Variants in KIF26B observed in about 807,000 individuals in gnomAD.
KIF26B encodes kinesin family member 26B.
KIF26B carries 63 observed loss-of-function variants against 151.2 expected under a neutral mutation model. That is an observed-to-expected ratio of 0.42 (90% CI 0.34 to 0.51). The LOEUF (loss-of-function observed/expected upper bound fraction) is 0.51, where lower values mean the gene tolerates loss of function less well. Among genes scored for constraint, KIF26B ranks in the 20% least tolerant of loss-of-function variants. The probability of loss-of-function intolerance (pLI) is 0.07; values close to 1 mark genes in which losing one functional copy is unlikely to be tolerated. For missense variants in KIF26B, 2,813 were observed against 2,913.6 expected, an observed-to-expected ratio of 0.97 and a Z score of 0.79; for synonymous variants, 1,357 against 1,262.1, an observed-to-expected ratio of 1.08 and a Z score of -1.59.
chr1:245,420,541 T>C (rs1658459318), intron 4 of KIF26B, among the ~76,000 whole-genome samples: 1 of 152,236 alleles, frequency 6.6e-6, no homozygotes, highest in Admixed American at 6.5e-5. Context: ...TGCTCAGAAC[T>C]GAACCTTGGA....
At chr1:245,520,587 TCCATCCATCCATCCACCCACCCAC>T (rs1378994490) in intron 4 of KIF26B, among the ~76,000 whole-genome samples, 6 of 80,602 alleles carry the variant, frequency 7.4e-5, no homozygotes, top group East Asian at 3.2e-4. Flanking sequence ...CATCCATCCA[TCCATCCATCCATCCACCCACCCAC>T]CCATCCATCC....
chr1:245,502,162 A>T (rs1660635277), intron 4 of KIF26B, among the ~76,000 whole-genome samples: 1 of 152,180 alleles, frequency 6.6e-6, no homozygotes, highest in African/African-American at 2.4e-5. Context: ...TTTAATGGAG[A>T]CCTGGATCAA....
intron 2 of KIF26B, among the ~76,000 whole-genome samples, chr1:245,283,289 G>A (rs577587506): frequency 1.3e-4 from 19 of 148,792 alleles, no homozygotes; most frequent in African/African-American, 4.0e-4. Flanking sequence ...CCCACCCACC[G>A]CGAGCCCAAT....
rs1191917242 is a variant in KIF26B, at chr1:245,592,651, A to G, written c.1351-9926A>G. ...GCCTGGAGGGCACCCCAGCCCCCTC[A>G]TCTGCCCTCCCACCCCCAAACTCAG... On this transcript the variant is annotated intron_variant, in intron 5 of 14. Transcript: ENST00000407071. Among the ~76,000 whole-genome samples, 2 of 136,334 alleles carry G rather than the reference A, an allele frequency of 1.5e-5. 1 individual carries two copies. Among genetic ancestry groups the G allele is most frequent in the African/African-American group, 5.6e-5 (2 of 36,018 alleles). The allele number at this position is 136,334 out of a possible 152,430, so 89.4% of individuals were successfully genotyped here. A position where few individuals can be genotyped will look rare whatever the true frequency, so the allele number is the denominator to read the frequency against.
At chr1:245,690,770 C>T (rs771680972) in intron 12 of KIF26B, among the ~76,000 whole-genome samples, 13 of 151,748 alleles carry the variant, frequency 8.6e-5, no homozygotes, top group South Asian at 2.1e-4. Context: ...GTCTTTGATA[C>T]GCTTTGACTC....
intron 9 of KIF26B, among the ~76,000 whole-genome samples, chr1:245,634,283 T>A (rs765004789): frequency 1.3e-5 from 2 of 152,234 alleles, no homozygotes; most frequent in Admixed American, 1.3e-4. Context: ...CCAATGAAGA[T>A]CATTTGACTT....
chr1:245,434,632 C>A (rs1335680518), intron 4 of KIF26B, among the ~76,000 whole-genome samples: 1 of 152,132 alleles, frequency 6.6e-6, no homozygotes, highest in African/African-American at 2.4e-5. Context: ...CCCCCTGCAC[C>A]CACACAGGGG....
chr1:245,279,453 A>G (rs1014983958), intron 2 of KIF26B, among the ~76,000 whole-genome samples: 1 of 151,770 alleles, frequency 6.6e-6, no homozygotes, highest in Admixed American at 6.6e-5. Flanking sequence ...GACTACAGAC[A>G]TGCACTATCA....
In KIF26B at chr1:245,563,649, C is replaced by A. The variant is rs978495137; in HGVS notation, c.1350+22699C>A. 2.0e-5 allele frequency among the ~76,000 whole-genome samples: 3 copies of A among 152,164 alleles called. No individual in the cohort carries two copies. Among genetic ancestry groups the A allele is most frequent in the Admixed American group, 1.3e-4 (2 of 15,280 alleles). On this transcript the variant is annotated intron_variant, in intron 5 of 14. Coordinates refer to ENST00000407071, the MANE Select transcript of KIF26B (RefSeq NM_018012.4). This position sits in a 1 kb window ranked among gnomAD's most constrained non-coding sequence, Gnocchi z 4.6. Reference sequence around the variant, plus strand: ...GTGGGGCTGCTTGAGACTGTGGGAACGATGTTTTCGTTAAGAATGGACTGC... The same window carrying A: ...GTGGGGCTGCTTGAGACTGTGGGAAAGATGTTTTCGTTAAGAATGGACTGC...
chr1:245,622,197 G>A (rs2043671314), intron 9 of KIF26B, among the ~76,000 whole-genome samples: 1 of 152,202 alleles, frequency 6.6e-6, no homozygotes, highest in Non-Finnish European at 1.5e-5. Context: ...AAACAGAAGT[G>A]ACACATTATA....
At chr1:245,524,639 G>C (rs968457917) in intron 4 of KIF26B, among the ~76,000 whole-genome samples, 1 of 152,066 alleles carries the variant, frequency 6.6e-6, no homozygotes, top group African/African-American at 2.4e-5. Flanking sequence ...ACTGTTTTTT[G>C]TAAATGCTTC....
intron 10 of KIF26B, among the ~76,000 whole-genome samples, chr1:245,679,975 C>T (rs1291224846): frequency 1.3e-5 from 2 of 152,186 alleles, no homozygotes; most frequent in Non-Finnish European, 2.9e-5. Context: ...CACCTCCCTC[C>T]ATCCCTCCCG....
intron 2 of KIF26B, among the ~76,000 whole-genome samples, chr1:245,171,393 A>G (rs1668705999): frequency 6.6e-6 from 1 of 152,124 alleles, no homozygotes; most frequent in African/African-American, 2.4e-5. Flanking sequence ...AATACAAAAA[A>G]GTTAGCTGGG....
intron 2 of KIF26B, among the ~76,000 whole-genome samples, chr1:245,226,651 T>C (rs1170230530): frequency 6.6e-6 from 1 of 152,058 alleles, no homozygotes; most frequent in African/African-American, 2.4e-5. Flanking sequence ...TTAGTAGAGA[T>C]GGGGTTTCTC....
chr1:245,339,720 C>G (rs1672300345), intron 2 of KIF26B, among the ~76,000 whole-genome samples: 1 of 152,130 alleles, frequency 6.6e-6, no homozygotes, highest in African/African-American at 2.4e-5. Flanking sequence ...AAGATTGGTT[C>G]ATTTTGAAGA....
chr1:245,407,671 C>G (rs1031949017), intron 3 of KIF26B, among the ~76,000 whole-genome samples: 1 of 152,158 alleles, frequency 6.6e-6, no homozygotes, highest in African/African-American at 2.4e-5. Context: ...AAACAAAACT[C>G]CAACAACCCC....
intron 2 of KIF26B, among the ~76,000 whole-genome samples, chr1:245,164,371 CTTTGATA>C (rs1668581555): frequency 6.6e-6 from 1 of 152,150 alleles, no homozygotes; most frequent in Non-Finnish European, 1.5e-5. Context: ...ATTGTTTTTG[CTTTGATA>C]TTCATATGCC....
chr1:245,442,906 CGG>C lies in KIF26B; in HGVS notation c.1166+23162_1166+23163del, dbSNP rs1558167514. Among the ~76,000 whole-genome samples, 6 of 124,488 alleles carry C rather than the reference CGG, an allele frequency of 4.8e-5. 1 individual carries two copies. The highest frequency in any genetic ancestry group is 3.1e-4 in the South Asian group (1 of 3,200). 81.7% of individuals were successfully genotyped at this position (124,488 alleles called of 152,430 possible). On this transcript the variant is annotated intron_variant, in intron 4 of 14. Coordinates refer to ENST00000407071, the MANE Select transcript of KIF26B (RefSeq NM_018012.4). The stretch of plus-strand genomic sequence containing the variant: ...CATCTCCCTCACTGTTCACCTAGAG[CGG>C]TCATCTCCCTCACTGTTCACCTAGA...
At chr1:245,187,224 G>A (rs1669015664) in intron 2 of KIF26B, among the ~76,000 whole-genome samples, 1 of 152,182 alleles carries the variant, frequency 6.6e-6, no homozygotes. Flanking sequence ...CCTGGAACTG[G>A]AGGCCATTAT....
Sources: allele counts gnomAD v4.1 joint callset (sites outside exome capture counted in the v4.1 genomes callset), GRCh38; gene constraint gnomAD v4.1.1; non-coding constraint Gnocchi (gnomAD v3.1); transcripts MANE v1.5; gene names NCBI Gene and HGNC (gene_info 2026-07-23, HGNC 2026-07-21).